SPATA22: variants seen among roughly 807,000 people sequenced by gnomAD.
SPATA22 encodes the protein spermatogenesis-associated protein 22.
A neutral mutation model predicts 47.8 loss-of-function variants in SPATA22; 29 were observed. The ratio of observed to expected loss-of-function variants is 0.61; its 90% CI spans 0.45 to 0.83. The LOEUF (loss-of-function observed/expected upper bound fraction) is 0.83, where lower values mean the gene tolerates loss of function less well. Among genes scored for constraint, SPATA22 ranks in the 40% least tolerant of loss-of-function variants. SPATA22 has a pLI of 0.00. For missense variants in SPATA22, 410 were observed against 421.7 expected (o/e 0.97, Z 0.24); for synonymous variants, 133 against 140.9 (o/e 0.94, Z 0.40).
At position 3,490,703 on chromosome 17, in the gene SPATA22, C is replaced by A. The variant is rs1381031062; in HGVS notation, c.-73-21305G>T. On this transcript the variant is annotated intron_variant, in intron 1 of 8. Coordinates refer to the SPATA22 transcript ENST00000541913. The surrounding 1 kb of genome is among the most constrained non-coding windows in gnomAD (Gnocchi z 4.6). ...AAGATCACAACATACTTACAATAAA[C>A]CCTCTGAATAGGAAGTGTGGGACTA... Among the ~76,000 whole-genome samples the A allele has an allele frequency of 6.6e-6, 1 of 152,112 alleles. No individual in the cohort carries two copies. Among genetic ancestry groups the A allele is most frequent in the Non-Finnish European group, 1.5e-5 (1 of 68,030 alleles).
chr17:3,498,583 G>A (rs2073946951), intron 1 of SPATA22, among the ~76,000 whole-genome samples: 1 of 152,170 alleles, frequency 6.6e-6, no homozygotes, highest in South Asian at 2.1e-4. Flanking sequence ...CTAGGCTCAA[G>A]CGATCCACCC....
chr17:3,445,452 C>T (rs1286038531), intron 7 of SPATA22, among the ~76,000 whole-genome samples: 2 of 152,028 alleles, frequency 1.3e-5, no homozygotes, highest in African/African-American at 2.4e-5. Flanking sequence ...AAGCCAAAAA[C>T]GAAAACTGAA....
chr17:3,461,793 T>G (rs1276805948), intron 5 of SPATA22, among the ~76,000 whole-genome samples: 1 of 152,186 alleles, frequency 6.6e-6, no homozygotes, highest in Non-Finnish European at 1.5e-5. Flanking sequence ...ATCAAAGCAC[T>G]TAACAGTGAC....
chr17:3,457,516 A>G (rs939242450), intron 5 of SPATA22, among the ~76,000 whole-genome samples: 4 of 152,182 alleles, frequency 2.6e-5, no homozygotes, highest in Non-Finnish European at 5.9e-5. Context: ...AAGACTCTGA[A>G]TAGCCAAAAC....
At chr17:3,480,560 G>A (rs954076626) in intron 1 of SPATA22, among the ~76,000 whole-genome samples, 2 of 151,310 alleles carry the variant, frequency 1.3e-5, no homozygotes, top group Non-Finnish European at 2.9e-5. Flanking sequence ...AATATCTCAA[G>A]CCCTGATCTT....
chr17:3,458,643 G>A (rs2073048942), intron 5 of SPATA22, among the ~76,000 whole-genome samples: 1 of 151,884 alleles, frequency 6.6e-6, no homozygotes. Context: ...AGGAGTTGGA[G>A]ACCAGCCTGG....
chr17:3,453,397 T>A (rs1310626259), intron 5 of SPATA22, among the ~76,000 whole-genome samples: 1 of 152,172 alleles, frequency 6.6e-6, no homozygotes. Context: ...TACACCACAG[T>A]AGCAGAATTA....
rs137857721 is a variant in SPATA22 at position 3,509,338 on chromosome 17, C to T, written c.-74+4074G>A. Among the ~76,000 whole-genome samples, 776 of 152,184 alleles carry T rather than the reference C, an allele frequency of 5.1e-3. 1 individual carries two copies. The highest frequency in any genetic ancestry group is 7.8e-3 in the Non-Finnish European group (533 of 67,988). On this transcript the variant is annotated intron_variant, in intron 1 of 8. Transcript: ENST00000541913. ...CCTCACCCCCTACCCCCCAACAGGC[C>T]CTGGTGTGTGTTGTTCCCGTCTCTG...
At chr17:3,508,897 TAAAAAA>T (rs59201485) in intron 1 of SPATA22, among the ~76,000 whole-genome samples, 91 of 112,978 alleles carry the variant, frequency 8.1e-4, no homozygotes, top group East Asian at 7.1e-3. Flanking sequence ...GCTTAAAGTA[TAAAAAA>T]AAAAAAAAAA....
chr17:3,480,675 G>C (rs2150745840), intron 1 of SPATA22, among the ~76,000 whole-genome samples: 1 of 152,320 alleles, frequency 6.6e-6, no homozygotes, highest in Non-Finnish European at 1.5e-5. Context: ...TCATCTTGTG[G>C]CTAATTTGTT....
At chr17:3,464,727 G>GGA (rs1029937507) in intron 3 of SPATA22, among the ~76,000 whole-genome samples, 3 of 149,330 alleles carry the variant, frequency 2.0e-5, no homozygotes, top group African/African-American at 7.4e-5. Flanking sequence ...TGAGAAGGGA[G>GGA]GAGACCCTCC....
At chr17:3,495,053 T>C (rs1193903141) in intron 1 of SPATA22, among the ~76,000 whole-genome samples, 1 of 151,390 alleles carries the variant, frequency 6.6e-6, no homozygotes, top group African/African-American at 2.4e-5. Context: ...CAGAATCTAC[T>C]CCTTGCCTAG....
rs770668634 is a variant in SPATA22, at chr17:3,490,827, C to T, written c.-73-21429G>A. Among the ~76,000 whole-genome samples the T allele has an allele frequency of 9.9e-5, 15 of 152,152 alleles. No homozygotes were observed. Among genetic ancestry groups the T allele is most frequent in the East Asian group, 1.9e-4 (1 of 5,198 alleles). ...CATAGTCCATAGAATCCTATCACAA[C>T]GGTGGAGAAAAGCAGTTCCTGGAAC... On this transcript the variant is annotated intron_variant, in intron 1 of 8. Coordinates refer to the SPATA22 transcript ENST00000541913. This position sits in a 1 kb window ranked among gnomAD's most constrained non-coding sequence, Gnocchi z 4.6.
chr17:3,467,907 G>C (rs950532547), intron 2 of SPATA22, among the ~76,000 whole-genome samples: 4 of 152,002 alleles, frequency 2.6e-5, no homozygotes, highest in African/African-American at 4.8e-5. Flanking sequence ...GACCTTTGAA[G>C]TACAACAGAG....
Position 3,490,390 on chromosome 17 carries a change from T to C in SPATA22, c.-73-20992A>G, listed in dbSNP as rs980087046. 5.3e-5 allele frequency among the ~76,000 whole-genome samples: 8 copies of C among 152,148 alleles called. No individual in the cohort carries two copies. Among genetic ancestry groups the C allele is most frequent in the Non-Finnish European group, 8.8e-5 (6 of 68,030 alleles). ...AAAAAGTTTACTTTAAAATGGAAAATAGTTGCTTAAAATCAAAGAGACATT... is the reference window on the plus strand; with the variant it reads ...AAAAAGTTTACTTTAAAATGGAAAACAGTTGCTTAAAATCAAAGAGACATT... On this transcript the variant is annotated intron_variant, in intron 1 of 8. Coordinates refer to the SPATA22 transcript ENST00000541913. This position sits in a 1 kb window ranked among gnomAD's most constrained non-coding sequence, Gnocchi z 4.6.
At chr17:3,498,838 T>C in intron 1 of SPATA22, 5 of 1,411,814 alleles carry the variant, frequency 3.5e-6, no homozygotes, top group Non-Finnish European at 4.7e-6. Context: ...GACATAAATT[T>C]TTAGAGGAGA....
At chr17:3,461,695 C>T (rs962098206) in intron 5 of SPATA22, among the ~76,000 whole-genome samples, 4 of 152,130 alleles carry the variant, frequency 2.6e-5, no homozygotes, top group African/African-American at 9.6e-5. Context: ...AAAGTTCCCC[C>T]TTTTAAAAAA....
intron 3 of SPATA22, among the ~76,000 whole-genome samples, chr17:3,465,642 C>CGGAAGG (rs909904349): frequency 6.6e-6 from 1 of 151,044 alleles, no homozygotes; most frequent in African/African-American, 2.4e-5. Flanking sequence ...ACAAACACTG[C>CGGAAGG]GGAAGGCCGC....
chr17:3,459,173 T>C (rs898656580), intron 5 of SPATA22, among the ~76,000 whole-genome samples: 1 of 152,122 alleles, frequency 6.6e-6, no homozygotes, highest in Non-Finnish European at 1.5e-5. Flanking sequence ...TTCAGTTACA[T>C]AGAATGAGTA....
Sources: gnomAD v4.1 joint callset for allele counts (sites outside exome capture counted in the v4.1 genomes callset) on GRCh38, gnomAD v4.1.1 for gene constraint, Gnocchi (gnomAD v3.1) non-coding constraint, MANE v1.5 for transcripts, NCBI Gene and HGNC (gene_info 2026-07-23, HGNC 2026-07-21) for gene names.